CARD19: variants seen among roughly 807,000 people sequenced by gnomAD.
CARD19 encodes caspase recruitment domain-containing protein 19.
CARD19 carries 25 observed loss-of-function variants against 24.1 expected under a neutral mutation model. That is an observed-to-expected ratio of 1.04 (90% CI 0.76 to 1.45). CARD19 has a LOEUF of 1.45. Ranked by LOEUF, CARD19 falls within the 40% of genes most tolerant of loss-of-function variation. CARD19 has a pLI of 0.00. For synonymous variants in CARD19, 103 were observed against 104.9 expected (o/e 0.98, Z 0.11); for missense variants, 241 against 247.4 (o/e 0.97, Z 0.17).
intron 1 of CARD19, among the ~76,000 whole-genome samples, chr9:93,098,900 C>CTTT (rs10693165): frequency 0.024 from 2,833 of 120,352 alleles, 178 homozygotes; most frequent in African/African-American, 0.053. Flanking sequence ...TTGCAGAACT[C>CTTT]TTTTTTTTTT....
chr9:93,106,414 T>TAAAAAAAA (rs56137204), intron 1 of CARD19, among the ~76,000 whole-genome samples: 2,883 of 102,726 alleles, frequency 0.028, 149 homozygotes, highest in African/African-American at 0.085. Context: ...CTGTCTCTAC[T>TAAAAAAAA]AAAAAAAAAA....
At chr9:93,101,897 A>C (rs1485591526) in intron 1 of CARD19, among the ~76,000 whole-genome samples, 1 of 151,952 alleles carries the variant, frequency 6.6e-6, no homozygotes, top group African/African-American at 2.4e-5. Context: ...TATCCTAATG[A>C]GTACGAAGTG....
chr9:93,107,502 G>C (rs1827306548), intron 1 of CARD19, among the ~76,000 whole-genome samples, 172 bp from the exon 2 acceptor site: 1 of 152,276 alleles, frequency 6.6e-6, no homozygotes, highest in African/African-American at 2.4e-5. Flanking sequence ...GCAGCTCTCA[G>C]CTGGGCAATG....
chr9:93,101,262 A>G (rs1349758138), intron 1 of CARD19, among the ~76,000 whole-genome samples: 2 of 151,954 alleles, frequency 1.3e-5, no homozygotes, highest in Non-Finnish European at 2.9e-5. Context: ...TATTTTTAGT[A>G]GAGACGGGGC....
intron 3 of CARD19, 194 bp from the exon 4 acceptor site, chr9:93,111,685 C>T (rs1047923970): frequency 3.2e-5 from 45 of 1,407,866 alleles, no homozygotes; most frequent in African/African-American, 1.7e-4. Flanking sequence ...CCTTTAGGCC[C>T]GTCCAGGAGT....
At chr9:93,099,403 G>A (rs533898829) in intron 1 of CARD19, among the ~76,000 whole-genome samples, 2 of 152,308 alleles carry the variant, frequency 1.3e-5, no homozygotes, top group East Asian at 3.9e-4. Context: ...CCTCAACATG[G>A]CTGTGCCTGG....
chr9:93,110,437 A>AGC, intron 2 of CARD19, 131 bp from the exon 3 acceptor site: 1 of 1,440,162 alleles, frequency 6.9e-7, no homozygotes, highest in African/African-American at 1.4e-5. Flanking sequence ...TTGTCACAGG[A>AGC]GCTGCCATCC....
chr9:93,110,971 A>C (rs1353075977), intron 3 of CARD19: 1 of 1,514,060 alleles, frequency 6.6e-7, no homozygotes, highest in Non-Finnish European at 8.8e-7. Flanking sequence ...TCTCTCTCTC[A>C]TGGCAGTTTT....
At chr9:93,099,384 A>T (rs572802754) in intron 1 of CARD19, among the ~76,000 whole-genome samples, 2 of 152,322 alleles carry the variant, frequency 1.3e-5, no homozygotes, top group Admixed American at 1.3e-4. Context: ...CTGAATATCA[A>T]GAGGTGGTCC....
chr9:93,107,903 T>C, intron 2 of CARD19, 87 bp downstream of exon 2: 1 of 1,514,812 alleles, frequency 6.6e-7, no homozygotes, highest in Non-Finnish European at 9.1e-7. Flanking sequence ...CAGCCCTGGG[T>C]CATTCTCTCA....
At chr9:93,110,186 G>A (rs1258360974) in intron 2 of CARD19, 1 of 180,138 alleles carries the variant, frequency 5.6e-6, no homozygotes, top group Non-Finnish European at 1.2e-5. Flanking sequence ...AATAGAGTCG[G>A]GGGTTTCACC....
In CARD19 at chr9:93,110,407, T is replaced by C. The variant is rs1827421514; in HGVS notation, c.151-161T>C. ...GACAGAGGCAATGCCAGGCACTATG[T>C]GGTGTGGGTAAGGGGCAGGTTGTCA... On this transcript the variant is annotated intron_variant, in intron 2 of 5. Transcript: ENST00000375464. 7.9e-6 allele frequency: 9 copies of C among 1,133,308 alleles called. No homozygotes were observed. In the Admixed American group the frequency reaches 1.9e-4, roughly 24 times the overall value. 70.2% of individuals were successfully genotyped at this position (1,133,308 alleles called of 1,614,324 possible). A position where few individuals can be genotyped will look rare whatever the true frequency, so the allele number is the denominator to read the frequency against.
At position 93,096,902 on chromosome 9, in the gene CARD19, CACG is replaced by C. The variant is rs1826888666; in HGVS notation, c.7+554_7+556del. 6.6e-6 allele frequency among the ~76,000 whole-genome samples: 1 copy of C among 152,140 alleles called. No individual in the cohort carries two copies. The highest frequency in any genetic ancestry group is 2.4e-5 in the African/African-American group (1 of 41,422). ...AGTCTCCCAGACTCCTTCGGTGGTCCACGACGCTCTTGCCCCTGTTTAGTTCTA... is the reference window on the plus strand; with the variant it reads ...AGTCTCCCAGACTCCTTCGGTGGTCCACGCTCTTGCCCCTGTTTAGTTCTA... On this transcript the variant is annotated intron_variant, in intron 1 of 5. Transcript: ENST00000375464. The surrounding 1 kb of genome is among the most constrained non-coding windows in gnomAD (Gnocchi z 5.4).
chr9:93,097,826 C>T (rs781243877), intron 1 of CARD19, among the ~76,000 whole-genome samples: 3 of 152,254 alleles, frequency 2.0e-5, no homozygotes, highest in Non-Finnish European at 4.4e-5. Flanking sequence ...CTATAGGCCT[C>T]ACCTTGTCCA....
chr9:93,113,268 T>G lies in CARD19; in HGVS notation c.*161T>G. The G allele has an allele frequency of 1.9e-6, 1 of 527,256 alleles. No homozygotes were observed. The highest frequency in any genetic ancestry group is 3.3e-6 in the Non-Finnish European group (1 of 300,092). 32.7% of individuals were successfully genotyped at this position (527,256 alleles called of 1,614,324 possible). A position where few individuals can be genotyped will look rare whatever the true frequency, so the allele number is the denominator to read the frequency against. ...CTTACAAGGTGCTGACCATATTAAA[T>G]GTTCAGGTTCTCTCAGCCTGCCTCG... On this transcript the variant is annotated 3_prime_UTR_variant, in exon 6 of 6. Coordinates refer to ENST00000375464, the MANE Select transcript of CARD19 (RefSeq NM_032310.5).
intron 5 of CARD19, 65 bp from the exon 6 acceptor site, chr9:93,112,927 A>G: frequency 8.7e-7 from 1 of 1,143,340 alleles, no homozygotes; most frequent in East Asian, 2.6e-5. Flanking sequence ...CGCAGGAGGG[A>G]TGGAAACACA....
intron 2 of CARD19, among the ~76,000 whole-genome samples, chr9:93,108,181 G>A (rs1212112124): frequency 2.0e-5 from 3 of 152,208 alleles, no homozygotes; most frequent in South Asian, 4.1e-4. Context: ...GCAGGAGGGA[G>A]GGGTGAGGAG....
Position 93,096,220 on chromosome 9 carries a change from A to C in CARD19, c.-126A>C. On this transcript the variant is annotated 5_prime_UTR_variant, in exon 1 of 6. Transcript: ENST00000375464. This position sits in a 1 kb window ranked among gnomAD's most constrained non-coding sequence, Gnocchi z 5.4. ...AAAGCCGGGGGGCTGGCCTAGCCAAAAGGGGCGGGCGAGCACGGCCCGCGG... is the reference window on the plus strand; with the variant it reads ...AAAGCCGGGGGGCTGGCCTAGCCAACAGGGGCGGGCGAGCACGGCCCGCGG... 1 of 1,047,952 alleles carries C rather than the reference A, an allele frequency of 9.5e-7. No homozygotes were observed. The highest frequency in any genetic ancestry group is 3.5e-5 in the East Asian group (1 of 28,890). The allele number at this position is 1,047,952 out of a possible 1,614,324, so 64.9% of individuals were successfully genotyped here.
At position 93,110,612 on chromosome 9, in the gene CARD19, C is replaced by T. The variant is rs781492777; in HGVS notation, c.195C>T (p.Leu65=). Residue 65 remains leucine (L), a synonymous_variant, in exon 3 of 6, where the codon CTC becomes CTT. Transcript: ENST00000375464. ...KASLRVRLCD[L]LSHLQRSGER... ...CCTTGCGTGTGCGGCTCTGTGACCT[C>T]CTGAGCCACCTGCAGCGGAGCGGTG... The T allele has an allele frequency of 6.2e-7, 1 of 1,613,686 alleles. No homozygotes were observed. Among genetic ancestry groups the T allele is most frequent in the East Asian group, 2.2e-5 (1 of 44,882 alleles).
Sources: allele counts gnomAD v4.1 joint callset (sites outside exome capture counted in the v4.1 genomes callset), GRCh38; gene constraint gnomAD v4.1.1; non-coding constraint Gnocchi (gnomAD v3.1); transcripts MANE v1.5; gene names NCBI Gene and HGNC (gene_info 2026-07-23, HGNC 2026-07-21).